The following DYNC2H1 variants were observed in gnomAD, a reference collection of about 807,000 sequenced individuals.
DYNC2H1 encodes the protein dynein cytoplasmic 2 heavy chain 1.
Under a neutral mutation model 570.0 loss-of-function variants are expected in DYNC2H1, and 410 were observed. The ratio of observed to expected loss-of-function variants is 0.72; its 90% CI spans 0.66 to 0.78. The LOEUF is 0.78. Ranked by LOEUF, DYNC2H1 falls within the 30% of genes least tolerant of loss-of-function variation. The pLI, the probability that DYNC2H1 is intolerant of heterozygous loss-of-function variation, is 0.00. For missense variants in DYNC2H1, 4,865 were observed against 5,046.4 expected (o/e 0.96, Z 1.09); for synonymous variants, 1,688 against 1,677.6 (o/e 1.01, Z -0.15).
chr11:103,109,829 C>CAG, intron 1 of DYNC2H1, 60 bp downstream of exon 1: 2 of 1,524,362 alleles, frequency 1.3e-6, no homozygotes, highest in Non-Finnish European at 1.8e-6. Context: ...CAGGCCCAGC[C>CAG]AGAGGGACGT....
In DYNC2H1 at chr11:103,165,928, A is replaced by G. The variant is rs1861286575; in HGVS notation, c.4642A>G (p.Thr1548Ala). The change falls in exon 31 of 89, where the codon ACT becomes GCT. Residue 1548 changes from threonine (T) to alanine (A), a missense_variant. Thr to Ala is a moderately conservative substitution (Grantham distance 58). This residue lies in a region of DYNC2H1 where 1,936 missense variants were observed against 1,962.1 expected (regional missense o/e 0.99). Transcript: ENST00000375735. ...ATGCTTGGCGGAGCAGATTAAATTC[A>G]CTGAAGATGTAGAAAATGCTATTAA... ...ILCLAEQIKF[T>A]EDVENAIKDH... The G allele has an allele frequency of 1.3e-6, 2 of 1,514,056 alleles. No individual in the cohort carries two copies. Among genetic ancestry groups the G allele is most frequent in the African/African-American group, 2.8e-5 (2 of 71,498 alleles). The allele number at this position is 1,514,056 out of a possible 1,614,324, so 93.8% of individuals were successfully genotyped here. A position where few individuals can be genotyped will look rare whatever the true frequency, so the allele number is the denominator to read the frequency against.
At chr11:103,266,346 G>T (rs1865503857) in intron 70 of DYNC2H1, among the ~76,000 whole-genome samples, 1 of 152,074 alleles carries the variant, frequency 6.6e-6, no homozygotes, top group African/African-American at 2.4e-5. Flanking sequence ...CACACTGCAG[G>T]TGGTGTTGGC....
Position 103,176,392 on chromosome 11 carries a change from G to A in DYNC2H1, c.5832G>A (p.Lys1944=). ...VEYDELSAAL[K]QVFEEANYEI... ...ATGATGAACTAAGTGCTGCATTAAA[G>A]CAGGTCTTTGAAGAGGCCAATTATG... Residue 1944 remains lysine (K), a synonymous_variant, in exon 37 of 89, where the codon AAG becomes AAA. Transcript: ENST00000375735. The A allele has an allele frequency of 6.3e-7, 1 of 1,586,096 alleles. No homozygotes were observed. The highest frequency in any genetic ancestry group is 8.6e-7 in the Non-Finnish European group (1 of 1,168,186).
intron 88 of DYNC2H1, among the ~76,000 whole-genome samples, chr11:103,476,691 A>G (rs566964905): frequency 6.6e-6 from 1 of 152,196 alleles, no homozygotes; most frequent in South Asian, 2.1e-4. Context: ...GGACATACTG[A>G]TTTATATCAA....
At chr11:103,442,711 C>A (rs1450346895) in intron 85 of DYNC2H1, among the ~76,000 whole-genome samples, 2 of 152,024 alleles carry the variant, frequency 1.3e-5, no homozygotes, top group Non-Finnish European at 2.9e-5. Context: ...CAAAATCTTT[C>A]CCGAATTTCT....
chr11:103,335,697 TCC>T (rs1351357767), intron 82 of DYNC2H1, among the ~76,000 whole-genome samples: 1 of 152,130 alleles, frequency 6.6e-6, no homozygotes, highest in Admixed American at 6.5e-5. Context: ...TTTTATCTTT[TCC>T]CATATACAGT....
In DYNC2H1 at chr11:103,187,703, G is replaced by T. The variant is rs1280951661; in HGVS notation, c.7140+117G>T. 8 of 1,259,086 alleles carry T rather than the reference G, an allele frequency of 6.4e-6. No homozygotes were observed. In the Admixed American group the frequency reaches 2.1e-4, roughly 33 times the overall value. 78.0% of individuals were successfully genotyped at this position (1,259,086 alleles called of 1,614,324 possible). ...CCAGTTTTATCTAGCATTTGTCATGGAAATTAAACTCCTGAAACACTTCAG... is the reference window on the plus strand; with the variant it reads ...CCAGTTTTATCTAGCATTTGTCATGTAAATTAAACTCCTGAAACACTTCAG... On this transcript the variant is annotated intron_variant, in intron 43 of 88. Coordinates refer to ENST00000375735, the MANE Select transcript of DYNC2H1 (RefSeq NM_001377.3).
chr11:103,249,344 C>A lies in DYNC2H1; in HGVS notation c.10043-3941C>A, dbSNP rs1354047788. ...ACTAGTTCTACTCACCAAAGAAAAA[C>A]TTTTTTTATTTTAACTTTTTATTTA... On this transcript the variant is annotated intron_variant, in intron 65 of 88. Transcript: ENST00000375735. The surrounding 1 kb of genome is among the most constrained non-coding windows in gnomAD (Gnocchi z 4.6). 6.6e-6 allele frequency among the ~76,000 whole-genome samples: 1 copy of A among 151,924 alleles called. No homozygotes were observed. The highest frequency in any genetic ancestry group is 2.4e-5 in the African/African-American group (1 of 41,418).
In DYNC2H1 at chr11:103,304,653, G is replaced by A. The variant is rs371973761; in HGVS notation, c.11315G>A (p.Arg3772His). ...LAIQMLKECA[R>H]NGDWLCLKNL... is the part of the protein sequence containing the mutation. ...ATTCAAATGCTAAAAGAATGTGCCC[G>A]CAATGGAGACTGGCTCTGTTTGAAG... The change falls in exon 77 of 89, where the codon CGC becomes CAC. Residue 3772 changes from arginine to histidine, a missense_variant. Arg to His is a conservative substitution (Grantham distance 29). Coordinates refer to ENST00000375735, the MANE Select transcript of DYNC2H1 (RefSeq NM_001377.3). The A allele has an allele frequency of 1.9e-5, 31 of 1,613,054 alleles. No homozygotes were observed. Among genetic ancestry groups the A allele is most frequent in the Admixed American group, 5.0e-5 (3 of 59,932 alleles).
chr11:103,287,464 T>G, intron 74 of DYNC2H1, 69 bp from the exon 75 acceptor site: 1 of 1,199,200 alleles, frequency 8.3e-7, no homozygotes, highest in South Asian at 1.5e-5. Flanking sequence ...TAGTTAACAT[T>G]AATTATTGTT....
chr11:103,459,983 A>G (rs1027124251), intron 87 of DYNC2H1, among the ~76,000 whole-genome samples: 3 of 150,468 alleles, frequency 2.0e-5, no homozygotes, highest in Non-Finnish European at 3.0e-5. Context: ...AAAAAAAAAA[A>G]GCTGAAGGAC....
chr11:103,354,994 A>G (rs546235713), intron 82 of DYNC2H1, among the ~76,000 whole-genome samples: 2 of 152,180 alleles, frequency 1.3e-5, no homozygotes, highest in South Asian at 4.1e-4. Context: ...CTCTTCATAT[A>G]GTAATAACTC....
intron 84 of DYNC2H1, among the ~76,000 whole-genome samples, chr11:103,421,374 C>G (rs1276461183): frequency 6.6e-6 from 1 of 152,130 alleles, no homozygotes; most frequent in Non-Finnish European, 1.5e-5. Flanking sequence ...CTATACGACT[C>G]TCCACCCAAA....
At position 103,157,942 on chromosome 11, in the gene DYNC2H1, C is replaced by G. The variant is rs1413156087; in HGVS notation, c.4128-735C>G. Among the ~76,000 whole-genome samples the G allele has an allele frequency of 6.6e-6, 1 of 152,172 alleles. No homozygotes were observed. The highest frequency in any genetic ancestry group is 1.5e-5 in the Non-Finnish European group (1 of 68,038). ...ATCTTTGCCAGAAACGTCTTCTACTCACTCACTTTTTCATTTTATTCTTCA... is the reference window on the plus strand; with the variant it reads ...ATCTTTGCCAGAAACGTCTTCTACTGACTCACTTTTTCATTTTATTCTTCA... On this transcript the variant is annotated intron_variant, in intron 26 of 88. Coordinates refer to ENST00000375735, the MANE Select transcript of DYNC2H1 (RefSeq NM_001377.3). This position sits in a 1 kb window ranked among gnomAD's most constrained non-coding sequence, Gnocchi z 4.2.
At chr11:103,426,046 G>C (rs1182215648) in intron 84 of DYNC2H1, among the ~76,000 whole-genome samples, 1 of 152,028 alleles carries the variant, frequency 6.6e-6, no homozygotes, top group Non-Finnish European at 1.5e-5. Context: ...TGAACACCTG[G>C]CCCACCCAGG....
At position 103,204,856 on chromosome 11, in the gene DYNC2H1, G is replaced by A. The variant is rs774895745; in HGVS notation, c.8346G>A (p.Met2782Ile). The A allele has an allele frequency of 2.9e-5, 46 of 1,588,916 alleles. 1 individual carries two copies. In the East Asian group the frequency reaches 7.8e-4, roughly 27 times the overall value. ...AAAACTTGCATATTGTCTTGATAAT[G>A]GATTCTGCAAATTCAAACTTCATGA... The part of the protein sequence containing the change: ...IQQNLHIVLI[M>I]DSANSNFMIN... Residue 2782 changes from methionine (M) to isoleucine (I), a missense_variant, in exon 52 of 89, where the codon ATG becomes ATA. Physicochemically the swap from Met to Ile is conservative, Grantham distance 10. This residue lies in a region of DYNC2H1 where 2,401 missense variants were observed against 2,454.6 expected (regional missense o/e 0.98). Transcript: ENST00000375735. The surrounding 1 kb of genome is among the most constrained non-coding windows in gnomAD (Gnocchi z 4.1).
intron 21 of DYNC2H1, among the ~76,000 whole-genome samples, chr11:103,152,594 C>T (rs182356003): frequency 3.1e-3 from 477 of 152,212 alleles, no homozygotes; most frequent in Non-Finnish European, 5.1e-3. Flanking sequence ...TCTTTAATTA[C>T]TAAATTTATT....
At chr11:103,434,782 C>T (rs1304253121) in intron 84 of DYNC2H1, among the ~76,000 whole-genome samples, 1 of 152,022 alleles carries the variant, frequency 6.6e-6, no homozygotes, top group African/African-American at 2.4e-5. Flanking sequence ...AAGTTGGTGC[C>T]GGCTGAGAGC....
At chr11:103,141,935 G>A (rs1452850354) in intron 17 of DYNC2H1, among the ~76,000 whole-genome samples, 2 of 152,130 alleles carry the variant, frequency 1.3e-5, no homozygotes, top group East Asian at 1.9e-4. Context: ...CCACAGCCTC[G>A]CTGCCACCTT....
Sources: allele counts gnomAD v4.1 joint callset (sites outside exome capture counted in the v4.1 genomes callset), GRCh38; gene constraint gnomAD v4.1.1; regional missense constraint gnomAD v4.1.1; non-coding constraint Gnocchi (gnomAD v3.1); transcripts MANE v1.5; gene names NCBI Gene and HGNC (gene_info 2026-07-23, HGNC 2026-07-21).